NECAB1: variants seen among roughly 807,000 people sequenced by gnomAD.
NECAB1 encodes the protein N-terminal EF-hand calcium-binding protein 1.
Under a neutral mutation model 57.5 loss-of-function variants are expected in NECAB1, and 29 were observed. The ratio of observed to expected loss-of-function variants is 0.50; its 90% CI spans 0.38 to 0.69. The LOEUF (loss-of-function observed/expected upper bound fraction) is 0.69. Among genes scored for constraint, NECAB1 ranks in the 30% least tolerant of loss-of-function variants. The pLI, the probability that NECAB1 is intolerant of heterozygous loss-of-function variation, is 0.00. For synonymous variants in NECAB1, 142 were observed against 147.7 expected (o/e 0.96, Z 0.28); for missense variants, 372 against 413.8 (o/e 0.90, Z 0.88).
chr8:90,942,181 C>G (rs1810685060), intron 10 of NECAB1, among the ~76,000 whole-genome samples: 1 of 152,188 alleles, frequency 6.6e-6, no homozygotes. Context: ...TGGCTCTAAG[C>G]CTTAGTTTCC....
chr8:90,882,101 T>C (rs1366632933), intron 5 of NECAB1, among the ~76,000 whole-genome samples: 1 of 152,134 alleles, frequency 6.6e-6, no homozygotes, highest in Non-Finnish European at 1.5e-5. Context: ...GTATCCTAAG[T>C]GCAAATAAAT....
intron 2 of NECAB1, among the ~76,000 whole-genome samples, chr8:90,804,313 A>C (rs954104704): frequency 6.6e-6 from 1 of 152,096 alleles, no homozygotes. Context: ...TCGAGCCTAA[A>C]ACAATCGAAC....
Position 90,801,749 on chromosome 8 carries a change from A to G in NECAB1, c.124+34A>G, listed in dbSNP as rs971014204. On this transcript the variant is annotated intron_variant, in intron 2 of 12. Coordinates refer to ENST00000417640, the MANE Select transcript of NECAB1 (RefSeq NM_022351.5). ...AAAAATCTACAGTATCTATTTATTAATCTCTTACATTTTATATTACCTTAT... is the reference window on the plus strand; with the variant it reads ...AAAAATCTACAGTATCTATTTATTAGTCTCTTACATTTTATATTACCTTAT... 10 of 1,364,064 alleles carry G rather than the reference A, an allele frequency of 7.3e-6. No individual in the cohort carries two copies. The African/African-American group carries it at 8.8e-5, about 12-fold the overall frequency. 84.5% of individuals were successfully genotyped at this position (1,364,064 alleles called of 1,614,324 possible).
chr8:90,899,578 G>T (rs540387777), intron 5 of NECAB1, among the ~76,000 whole-genome samples: 2 of 152,258 alleles, frequency 1.3e-5, no homozygotes, highest in East Asian at 3.9e-4. Context: ...AGAAACTCTG[G>T]AACAGAGAGA....
At chr8:90,835,990 G>A (rs1178191157) in intron 3 of NECAB1, among the ~76,000 whole-genome samples, 1 of 152,176 alleles carries the variant, frequency 6.6e-6, no homozygotes, top group Non-Finnish European at 1.5e-5. Flanking sequence ...TTGGGAGGAG[G>A]ATAAATGATA....
At chr8:90,940,936 G>A in intron 10 of NECAB1, 38 bp downstream of exon 10, 1 of 1,451,262 alleles carries the variant, frequency 6.9e-7, no homozygotes, top group Non-Finnish European at 9.5e-7. Context: ...GCCTTTGGCA[G>A]CCTGGGAATA....
intron 11 of NECAB1, 126 bp downstream of exon 11, chr8:90,950,010 C>T (rs1402748525): frequency 5.5e-6 from 3 of 542,428 alleles, no homozygotes. Flanking sequence ...CCCATTTGCC[C>T]ATTACCATGA....
intron 3 of NECAB1, among the ~76,000 whole-genome samples, chr8:90,847,315 G>A (rs1230180260): frequency 6.6e-6 from 1 of 152,250 alleles, no homozygotes; most frequent in African/African-American, 2.4e-5. Flanking sequence ...TCCAGGTCAC[G>A]CTGATCCAAG....
At chr8:90,805,482 A>G (rs1291949263) in intron 2 of NECAB1, among the ~76,000 whole-genome samples, 1 of 151,406 alleles carries the variant, frequency 6.6e-6, no homozygotes, top group Non-Finnish European at 1.5e-5. Context: ...AGCTATAATA[A>G]TGACATCTTG....
Position 90,919,959 on chromosome 8 carries a change from T to C in NECAB1, c.494+2331T>C, listed in dbSNP as rs371169815. ...GTGAATGTTTAATGAACAACTGTTT[T>C]CTGTGTTAGGCCACAGGCTAGCCTT... is the stretch of plus-strand genomic sequence containing the variant. On this transcript the variant is annotated intron_variant, in intron 6 of 12. Transcript: ENST00000417640. Among the ~76,000 whole-genome samples the C allele has an allele frequency of 1.7e-4, 26 of 152,348 alleles. 2 individuals carry two copies. The South Asian group carries it at 4.3e-3, about 25-fold the overall frequency.
At chr8:90,911,690 A>G (rs1272653386) in intron 5 of NECAB1, among the ~76,000 whole-genome samples, 1 of 152,162 alleles carries the variant, frequency 6.6e-6, no homozygotes, top group Non-Finnish European at 1.5e-5. Flanking sequence ...ATTTGTGAAG[A>G]GCCTGCTATG....
intron 3 of NECAB1, among the ~76,000 whole-genome samples, chr8:90,843,691 T>G (rs1812498569): frequency 1.3e-5 from 2 of 152,374 alleles, no homozygotes; most frequent in South Asian, 4.1e-4. Context: ...TATTGAGCAC[T>G]GGCTGTGGGC....
intron 5 of NECAB1, among the ~76,000 whole-genome samples, chr8:90,892,876 CTT>C (rs904355360): frequency 1.3e-5 from 2 of 152,202 alleles, no homozygotes; most frequent in African/African-American, 4.8e-5. Context: ...AGTCTAGACT[CTT>C]TGCCCAGAGC....
intron 10 of NECAB1, among the ~76,000 whole-genome samples, chr8:90,942,659 A>G (rs2677574): frequency 0.53 from 80,094 of 152,060 alleles, 24,519 homozygotes; most frequent in African/African-American, 0.83. Flanking sequence ...CGAGGCAGGC[A>G]GATCACGAAG....
In NECAB1 at chr8:90,958,640, A is replaced by C. The variant is rs1811076639; in HGVS notation, c.*3128A>C. The C allele has an allele frequency of 4.3e-6, 1 of 234,272 alleles. No homozygotes were observed. 14.5% of individuals were successfully genotyped at this position (234,272 alleles called of 1,614,324 possible). ...ACAAGCAATTATGTACCATATATAC[A>C]CTGTAGCAAATATTTTATATTTGAG... is the stretch of plus-strand genomic sequence containing the variant. On this transcript the variant is annotated 3_prime_UTR_variant, in exon 13 of 13. Coordinates refer to ENST00000417640, the MANE Select transcript of NECAB1 (RefSeq NM_022351.5).
chr8:90,927,799 CT>C (rs1810311124), intron 7 of NECAB1, among the ~76,000 whole-genome samples: 1 of 135,110 alleles, frequency 7.4e-6, no homozygotes, highest in African/African-American at 3.1e-5. Context: ...CTATCTTGCC[CT>C]TATGGTTTTT....
chr8:90,845,339 G>A (rs919014986), intron 3 of NECAB1, among the ~76,000 whole-genome samples: 1 of 152,128 alleles, frequency 6.6e-6, no homozygotes, highest in Non-Finnish European at 1.5e-5. Flanking sequence ...CTCAGTACAA[G>A]GAAATAATAG....
Position 90,860,810 on chromosome 8 carries a change from G to A in NECAB1, c.234-11318G>A, listed in dbSNP as rs1376835120. Among the ~76,000 whole-genome samples the A allele has an allele frequency of 2.0e-5, 3 of 152,136 alleles. No individual in the cohort carries two copies. The South Asian group carries it at 6.2e-4, about 31-fold the overall frequency. ...TTGAAGGAACCCAATATGATGATAT[G>A]AGAGGAAGGAAGGAAGATCCAGAGT... On this transcript the variant is annotated intron_variant, in intron 3 of 12. Coordinates refer to ENST00000417640, the MANE Select transcript of NECAB1 (RefSeq NM_022351.5).
chr8:90,917,563 G>T lies in NECAB1; in HGVS notation c.429G>T (p.Leu143=), dbSNP rs1809985004. 6.2e-7 allele frequency: 1 copy of T among 1,611,970 alleles called. No individual in the cohort carries two copies. Among genetic ancestry groups the T allele is most frequent in the Non-Finnish European group, 8.5e-7 (1 of 1,178,792 alleles). The change falls in exon 6 of 13, where the codon CTG becomes CTT. Residue 143 remains leucine, a synonymous_variant. Coordinates refer to ENST00000417640, the MANE Select transcript of NECAB1 (RefSeq NM_022351.5). ...TATTGAAGGAAACCCTGAATCAGCTGCAGTCTCTCCAGAATTCCCTGGAAT... is the reference window on the plus strand; with the variant it reads ...TATTGAAGGAAACCCTGAATCAGCTTCAGTCTCTCCAGAATTCCCTGGAAT... ...RFLLKETLNQ[L]QSLQNSLECA...
Sources: gnomAD v4.1 joint callset for allele counts (sites outside exome capture counted in the v4.1 genomes callset) on GRCh38, gnomAD v4.1.1 for gene constraint, MANE v1.5 for transcripts, NCBI Gene and HGNC (gene_info 2026-07-23, HGNC 2026-07-21) for gene names.